Variants in PRICKLE2 observed in about 807,000 individuals in gnomAD.
PRICKLE2 encodes the protein prickle planar cell polarity protein 2, also known as prickle-like protein 2.
In PRICKLE2, 21 loss-of-function variants were observed where a neutral mutation model predicts 81.4. That is an observed-to-expected ratio of 0.26 (90% CI 0.18 to 0.37). The LOEUF (loss-of-function observed/expected upper bound fraction) is 0.37, where lower values mean the gene tolerates loss of function less well. PRICKLE2 is among the 10% of genes least tolerant of loss of function. PRICKLE2 has a pLI of 1.00. For synonymous variants in PRICKLE2, 456 were observed against 421.5 expected (o/e 1.08, Z -1.00); for missense variants, 940 against 1,109.0 (o/e 0.85, Z 2.16).
chr3:64,110,155 C>A (rs150850783), intron 7 of PRICKLE2, among the ~76,000 whole-genome samples: 1 of 152,198 alleles, frequency 6.6e-6, no homozygotes, highest in African/African-American at 2.4e-5. Flanking sequence ...AAAGGATACA[C>A]AACAAATTCA....
At chr3:64,148,360 C>T (rs2077490839) in intron 6 of PRICKLE2, among the ~76,000 whole-genome samples, 1 of 152,210 alleles carries the variant, frequency 6.6e-6, no homozygotes, top group Non-Finnish European at 1.5e-5. Flanking sequence ...CTTTACATTA[C>T]AACAGTATAT....
chr3:64,160,136 A>C (rs567918822), intron 3 of PRICKLE2, 59 bp from the exon 4 acceptor site: 1 of 1,578,934 alleles, frequency 6.3e-7, no homozygotes, highest in Non-Finnish European at 8.7e-7. Flanking sequence ...AGATTTCTGA[A>C]GCCCATGACT....
chr3:64,197,857 T>TA (rs575919759), intron 2 of PRICKLE2, among the ~76,000 whole-genome samples: 2,550 of 144,582 alleles, frequency 0.018, 23 homozygotes, highest in Non-Finnish European at 0.021. Flanking sequence ...AAAATAAAGT[T>TA]AAAAAAAAAA....
intron 7 of PRICKLE2, among the ~76,000 whole-genome samples, chr3:64,110,916 C>G (rs1244731985): frequency 7.5e-6 from 1 of 133,644 alleles, no homozygotes; most frequent in African/African-American, 2.8e-5. Context: ...AAGCCGAGAT[C>G]GTGCCACTGC....
chr3:64,257,508 G>T (rs959587625), intron 2 of PRICKLE2, among the ~76,000 whole-genome samples: 3 of 152,230 alleles, frequency 2.0e-5, no homozygotes, highest in African/African-American at 7.2e-5. Context: ...GGCAGTGGGG[G>T]TGTGAGCAAA....
chr3:64,263,192 C>T (rs1265142359), intron 2 of PRICKLE2, among the ~76,000 whole-genome samples: 1 of 152,126 alleles, frequency 6.6e-6, no homozygotes, highest in East Asian at 1.9e-4. Flanking sequence ...GTAAGAGAAC[C>T]ACTGCTAGAA....
chr3:64,124,913 C>T (rs1360716817), intron 7 of PRICKLE2, among the ~76,000 whole-genome samples: 1 of 152,126 alleles, frequency 6.6e-6, no homozygotes, highest in Non-Finnish European at 1.5e-5. Context: ...TTCAAGTCTT[C>T]TTAATTAAGA....
intron 2 of PRICKLE2, among the ~76,000 whole-genome samples, chr3:64,187,246 T>C (rs1299776936): frequency 6.6e-6 from 1 of 152,208 alleles, no homozygotes; most frequent in Admixed American, 6.5e-5. Flanking sequence ...GCAGTTTTAG[T>C]GAAAGCTGCA....
rs1278550599 is a variant in PRICKLE2, at chr3:64,198,880, G to C, written c.48C>G (p.Leu16=). 6.2e-7 allele frequency: 1 copy of C among 1,614,162 alleles called. No homozygotes were observed. Among genetic ancestry groups the C allele is most frequent in the Non-Finnish European group, 8.5e-7 (1 of 1,180,034 alleles). ...PLEMEKTISK[L]MFDFQRNSTS... is the part of the protein sequence containing the mutation. ...TCGAGTTCCTCTGAAAGTCAAACAT[G>C]AGTTTGCTGATGGTCTTCTCCATCT... is the stretch of plus-strand genomic sequence containing the variant. The change falls in exon 2 of 8, where the codon CTC becomes CTG. Residue 16 remains leucine (L), a synonymous_variant. Transcript: ENST00000638394.
intron 1 of PRICKLE2, among the ~76,000 whole-genome samples, chr3:64,221,455 ACACG>A (rs1213430112): frequency 6.7e-6 from 1 of 149,542 alleles, no homozygotes; most frequent in African/African-American, 2.5e-5. Flanking sequence ...ACACACACAC[ACACG>A]CACACACACA....
rs2077473251 is a variant in PRICKLE2, at chr3:64,147,337, T to G, written c.1153A>C (p.Thr385Pro). Residue 385 changes from threonine to proline, a missense_variant, in exon 7 of 8, where the codon ACA (threonine) becomes CCA (proline). Thr to Pro is a conservative substitution (Grantham distance 38). This residue lies in a region of PRICKLE2 where 670 missense variants were observed against 717.2 expected (regional missense o/e 0.93). Transcript: ENST00000638394. This position sits in a 1 kb window ranked among gnomAD's most constrained non-coding sequence, Gnocchi z 5.0. ...ATGGGGTCCCGGTTGAGGCTGGGTG[T>G]CTGGCTGGACAGGCTGAGCATGTCC... The part of the protein sequence containing the change: ...QMDMLSLSSQ[T>P]PSLNRDPIWR... 3.7e-6 allele frequency: 6 copies of G among 1,614,176 alleles called. No homozygotes were observed. Among genetic ancestry groups the G allele is most frequent in the Non-Finnish European group, 5.1e-6 (6 of 1,180,028 alleles).
Position 64,096,094 on chromosome 3 carries a change from T to C in PRICKLE2, c.*2957A>G, listed in dbSNP as rs1559502416. The C allele has an allele frequency of 6.6e-6, 1 of 152,108 alleles. No homozygotes were observed. Among genetic ancestry groups the C allele is most frequent in the Non-Finnish European group, 1.5e-5 (1 of 68,036 alleles). The allele number at this position is 152,108 out of a possible 1,614,324, so 9.4% of individuals were successfully genotyped here. On this transcript the variant is annotated 3_prime_UTR_variant, in exon 8 of 8. Transcript: ENST00000638394. ...ATGTTGCTACTGAATTGAGCAGCAA[T>C]AGGAAATGAACTCAACTCCGAAGTT...
At chr3:64,191,793 G>A (rs749304820) in intron 2 of PRICKLE2, among the ~76,000 whole-genome samples, 4 of 152,158 alleles carry the variant, frequency 2.6e-5, no homozygotes, top group African/African-American at 7.2e-5. Flanking sequence ...GCCTGATTCC[G>A]GAAGCAAGGC....
intron 5 of PRICKLE2, 91 bp downstream of exon 5, chr3:64,157,071 T>G (rs904400989): frequency 9.0e-6 from 11 of 1,215,708 alleles, no homozygotes; most frequent in Non-Finnish European, 1.2e-5. Flanking sequence ...GCCTATGGCT[T>G]TCTTCAGTGC....
intron 7 of PRICKLE2, among the ~76,000 whole-genome samples, chr3:64,129,612 G>A (rs1344549706): frequency 6.6e-6 from 1 of 152,124 alleles, no homozygotes; most frequent in African/African-American, 2.4e-5. Context: ...AATTGCAGAG[G>A]ATCTTGCTTC....
intron 7 of PRICKLE2, among the ~76,000 whole-genome samples, chr3:64,128,858 GAAACAAAC>G (rs139338970): frequency 0.05 from 7,568 of 150,202 alleles, 202 homozygotes; most frequent in African/African-American, 0.071. Flanking sequence ...CTCCACCAAA[GAAACAAAC>G]AAACAAACAA....
In PRICKLE2 at chr3:64,135,871, T is replaced by G. The variant is rs976408726; in HGVS notation, c.1660+10959A>C. The stretch of plus-strand genomic sequence containing the variant: ...ACAAACCAAGCTATCTTGAAATTTT[T>G]TACGCAACTTTCGGCTCATGATCTC... On this transcript the variant is annotated intron_variant, in intron 7 of 7. Transcript: ENST00000638394. Among the ~76,000 whole-genome samples the G allele has an allele frequency of 2.6e-5, 4 of 152,230 alleles. 1 individual carries two copies. In the South Asian group the frequency reaches 6.2e-4, roughly 24 times the overall value.
At chr3:64,156,933 A>G (rs1009397373) in intron 5 of PRICKLE2, among the ~76,000 whole-genome samples, 1 of 152,172 alleles carries the variant, frequency 6.6e-6, no homozygotes, top group Non-Finnish European at 1.5e-5. Context: ...GGATACAGAA[A>G]CTGCCTTCCC....
chr3:64,127,596 T>C (rs746104370), intron 7 of PRICKLE2, among the ~76,000 whole-genome samples: 12 of 152,122 alleles, frequency 7.9e-5, no homozygotes, highest in Non-Finnish European at 1.5e-4. Context: ...ATTCAAATCC[T>C]GATTAGCCTG....
Sources: gnomAD v4.1 joint callset for allele counts (sites outside exome capture counted in the v4.1 genomes callset) on GRCh38, gnomAD v4.1.1 for gene constraint, gnomAD v4.1.1 regional missense constraint, Gnocchi (gnomAD v3.1) non-coding constraint, MANE v1.5 for transcripts, NCBI Gene and HGNC (gene_info 2026-07-23, HGNC 2026-07-21) for gene names.